The following MLC1 variants were observed in gnomAD, a reference collection of about 807,000 sequenced individuals.
MLC1 encodes modulator of VRAC current 1, also known as membrane protein MLC1.
Under a neutral mutation model 44.7 loss-of-function variants are expected in MLC1, and 32 were observed. The observed-to-expected ratio is 0.72, with a 90% CI of 0.54 to 0.96. The LOEUF (loss-of-function observed/expected upper bound fraction) is 0.96. Among genes scored for constraint, MLC1 ranks in the 40% least tolerant of loss-of-function variants. The pLI, the probability that MLC1 is intolerant of heterozygous loss-of-function variation, is 0.00. For synonymous variants in MLC1, 190 were observed against 213.0 expected, an observed-to-expected ratio of 0.89 and a Z score of 0.94; for missense variants, 459 against 492.2, an observed-to-expected ratio of 0.93 and a Z score of 0.64.
intron 8 of MLC1, among the ~76,000 whole-genome samples, chr22:50,072,496 G>A (rs11101959): frequency 0.11 from 17,062 of 152,216 alleles, 1,138 homozygotes; most frequent in Admixed American, 0.19. Context: ...ATTTAGGGGC[G>A]CCCAGGGGGC....
rs1264694715 is a variant in MLC1, at chr22:50,074,327, G to A, written c.603C>T (p.Val201=). ...PARVLKSYSV[V]EVIAGISAVL... The stretch of plus-strand genomic sequence containing the variant: ...CGGCAGAGATGCCTGCGATTACCTC[G>A]ACGACCTGGAGGGGACAGGACAGCA... The change falls in exon 8 of 12, where the codon GTC becomes GTT. Residue 201 remains valine (V), a synonymous_variant. Coordinates refer to ENST00000311597, the MANE Select transcript of MLC1 (RefSeq NM_015166.4). 4.3e-6 allele frequency: 7 copies of A among 1,613,280 alleles called. No individual in the cohort carries two copies. Among genetic ancestry groups the A allele is most frequent in the Middle Eastern group, 1.6e-4 (1 of 6,084 alleles).
intron 4 of MLC1, 121 bp from the exon 5 acceptor site, chr22:50,080,140 G>A (rs2062083700): frequency 4.0e-6 from 4 of 1,010,836 alleles, no homozygotes; most frequent in South Asian, 1.4e-5. Flanking sequence ...ATGGTGGGGA[G>A]TCCTGCGTGC....
intron 3 of MLC1, among the ~76,000 whole-genome samples, chr22:50,082,746 C>G (rs2062178029): frequency 6.6e-6 from 1 of 152,134 alleles, no homozygotes; most frequent in African/African-American, 2.4e-5. Flanking sequence ...CTCACTGCAA[C>G]CTCCGCCTCC....
chr22:50,079,500 CTTTTTTTTTTTT>C (rs55760839), intron 5 of MLC1, among the ~76,000 whole-genome samples: 8 of 75,808 alleles, frequency 1.1e-4, no homozygotes, highest in Non-Finnish European at 2.0e-4. Context: ...GGATTTTTGT[CTTTTTTTTTTTT>C]TTTTTTTTTT....
At chr22:50,080,625 T>G (rs957557656) in intron 3 of MLC1, among the ~76,000 whole-genome samples, 7 of 152,188 alleles carry the variant, frequency 4.6e-5, no homozygotes, top group African/African-American at 1.4e-4. Context: ...TGATCTTAAC[T>G]TTGGGCTCAA....
chr22:50,085,115 A>C, intron 1 of MLC1, 154 bp from the exon 2 acceptor site: 1 of 1,432,754 alleles, frequency 7.0e-7, no homozygotes, highest in South Asian at 1.5e-5. Context: ...GTGAAAAAGA[A>C]ATAACTTTCC....
At chr22:50,075,573 G>A (rs926988780) in intron 7 of MLC1, among the ~76,000 whole-genome samples, 4 of 152,090 alleles carry the variant, frequency 2.6e-5, no homozygotes, top group Admixed American at 2.6e-4. Flanking sequence ...AGCTGGGCGT[G>A]GTGGCGGGCA....
chr22:50,079,865 T>C, intron 5 of MLC1, 53 bp downstream of exon 5: 1 of 1,248,588 alleles, frequency 8.0e-7, no homozygotes, highest in Non-Finnish European at 1.2e-6. Flanking sequence ...ACACCATTCG[T>C]GGGAGTGGGG....
At position 50,082,166 on chromosome 22, in the gene MLC1, C is replaced by T. The variant is rs1177917055; in HGVS notation, c.267+918G>A. Among the ~76,000 whole-genome samples, 3 of 149,742 alleles carry T rather than the reference C, an allele frequency of 2.0e-5. No homozygotes were observed. The East Asian group carries it at 5.9e-4, about 29-fold the overall frequency. The stretch of plus-strand genomic sequence containing the variant: ...TCGGGACCAGCTGAAGCAGGAGGGG[C>T]GTGGGGTCCGCGGCTTGCGGGCCAG... On this transcript the variant is annotated intron_variant, in intron 3 of 11. Transcript: ENST00000311597.
intron 8 of MLC1, among the ~76,000 whole-genome samples, chr22:50,070,813 T>C (rs527487740): frequency 1.3e-5 from 2 of 152,248 alleles, no homozygotes; most frequent in African/African-American, 4.8e-5. Flanking sequence ...CCTCAACCAT[T>C]GGTTTAAAAT....
intron 11 of MLC1, among the ~76,000 whole-genome samples, chr22:50,063,515 C>T (rs1181733393): frequency 1.3e-5 from 2 of 151,420 alleles, no homozygotes; most frequent in African/African-American, 2.4e-5. Flanking sequence ...TTTACTTCTT[C>T]GGGGTTTTTC....
chr22:50,070,756 G>A (rs532614429), intron 8 of MLC1, among the ~76,000 whole-genome samples, 173 bp from the exon 9 acceptor site: 7 of 152,340 alleles, frequency 4.6e-5, no homozygotes, highest in African/African-American at 1.7e-4. Context: ...GGACGGGTCC[G>A]CAGGGAAGCA....
chr22:50,073,799 G>A (rs953106799), intron 8 of MLC1, among the ~76,000 whole-genome samples: 2 of 152,130 alleles, frequency 1.3e-5, no homozygotes, highest in African/African-American at 4.8e-5. Flanking sequence ...GCATGTGTCA[G>A]GTGCTGTGTG....
intron 8 of MLC1, among the ~76,000 whole-genome samples, chr22:50,073,155 A>C (rs1470090059): frequency 1.3e-5 from 2 of 152,230 alleles, no homozygotes. Flanking sequence ...GCTCCCAGGC[A>C]GGCATGGGCC....
chr22:50,072,576 G>GAC (rs1161717873), intron 8 of MLC1, among the ~76,000 whole-genome samples: 4 of 152,210 alleles, frequency 2.6e-5, no homozygotes, highest in African/African-American at 9.7e-5. Context: ...GGCAGGAGGG[G>GAC]TCTGCGGGAT....
intron 9 of MLC1, 104 bp downstream of exon 9, chr22:50,070,421 GCT>G: frequency 9.0e-7 from 1 of 1,117,176 alleles, no homozygotes; most frequent in Non-Finnish European, 1.3e-6. Flanking sequence ...CAGTCACTGC[GCT>G]CTCTTGGGCT....
chr22:50,084,371 A>G (rs1179941556), intron 2 of MLC1, among the ~76,000 whole-genome samples: 1 of 152,116 alleles, frequency 6.6e-6, no homozygotes, highest in Non-Finnish European at 1.5e-5. Flanking sequence ...TGAAGGCCTG[A>G]GACGCCTCCT....
At chr22:50,081,009 A>AAAAGAAAGAAGGAAAGAAAGAAAG in intron 3 of MLC1, among the ~76,000 whole-genome samples, 1 of 96,820 alleles carries the variant, frequency 1.0e-5, no homozygotes, top group Middle Eastern at 4.5e-3. Context: ...TTGTCTCAAA[A>AAAAGAAAGAAGGAAAGAAAGAAAG]AAAGAAAGAA....
intron 8 of MLC1, among the ~76,000 whole-genome samples, chr22:50,071,100 TTC>T (rs2061840795): frequency 6.6e-6 from 1 of 150,440 alleles, no homozygotes; most frequent in Non-Finnish European, 1.5e-5. Flanking sequence ...TTAATAATTT[TTC>T]TTTCTTCTTC....
Sources: allele counts gnomAD v4.1 joint callset (sites outside exome capture counted in the v4.1 genomes callset), GRCh38; gene constraint gnomAD v4.1.1; transcripts MANE v1.5; gene names NCBI Gene and HGNC (gene_info 2026-07-23, HGNC 2026-07-21).